The following MFSD1 variants were observed in gnomAD, a reference collection of about 807,000 sequenced individuals.
The protein encoded by MFSD1 is lysosomal dipeptide transporter MFSD1.
In MFSD1, 59 loss-of-function variants were observed where a neutral mutation model predicts 67.1. The ratio of observed to expected loss-of-function variants is 0.88; its 90% CI spans 0.71 to 1.09. MFSD1 has a LOEUF of 1.09. Among genes scored for constraint, MFSD1 ranks in the 50% least tolerant of loss-of-function variants. The pLI is 0.00. For missense variants in MFSD1, 552 were observed against 566.1 expected (o/e 0.97, Z 0.25); for synonymous variants, 213 against 200.3 (o/e 1.06, Z -0.54).
chr3:158,826,077 T>G lies in MFSD1; in HGVS notation c.1336+15T>G. The G allele has an allele frequency of 6.2e-7, 1 of 1,611,608 alleles. No individual in the cohort carries two copies. Among genetic ancestry groups the G allele is most frequent in the Non-Finnish European group, 8.5e-7 (1 of 1,177,884 alleles). On this transcript the variant is annotated intron_variant, in intron 14 of 15. Transcript: ENST00000415822. ...TCGTGCCCAGGGTAAGTAGAAGATCTGATATTTGCTTCTTAAACCGCAGTG... is the reference window on the plus strand; with the variant it reads ...TCGTGCCCAGGGTAAGTAGAAGATCGGATATTTGCTTCTTAAACCGCAGTG...
Position 158,819,660 on chromosome 3 carries a change from T to C in MFSD1, c.664T>C (p.Cys222Arg). The C allele has an allele frequency of 1.9e-6, 3 of 1,564,428 alleles. No homozygotes were observed. Among genetic ancestry groups the C allele is most frequent in the South Asian group, 1.1e-5 (1 of 88,124 alleles). ...TTTTTTTTATTTAGGGGGTATAACG[T>C]GTATTCTTTCACTAATCTGTGCCTT... ...GITLMIGGITCILSLICALAL... is the reference protein window; with the variant it reads ...GITLMIGGITRILSLICALAL... Residue 222 changes from cysteine (C) to arginine (R), a missense_variant, in exon 8 of 16, where the codon TGT becomes CGT. Transcript: ENST00000415822.
chr3:158,827,216 A>G lies in MFSD1; in HGVS notation c.1337-64A>G, dbSNP rs952280902. 3.1e-6 allele frequency: 3 copies of G among 974,462 alleles called. No homozygotes were observed. The African/African-American group carries it at 5.1e-5, about 17-fold the overall frequency. The allele number at this position is 974,462 out of a possible 1,614,324, so 60.4% of individuals were successfully genotyped here. A position where few individuals can be genotyped will look rare whatever the true frequency, so the allele number is the denominator to read the frequency against. The stretch of plus-strand genomic sequence containing the variant: ...TGCAAATGGTTGCATGTATGTATGT[A>G]TGGTTGAAATTTACTTACTGATAAT... On this transcript the variant is annotated intron_variant, in intron 14 of 15. Coordinates refer to ENST00000415822, the MANE Select transcript of MFSD1 (RefSeq NM_022736.4).
chr3:158,816,344 T>C (rs992723799), intron 7 of MFSD1, among the ~76,000 whole-genome samples: 8 of 152,190 alleles, frequency 5.3e-5, no homozygotes, highest in Non-Finnish European at 1.2e-4. Flanking sequence ...ATGATCGCCA[T>C]TGTAACTGGT....
At chr3:158,802,732 G>T in intron 1 of MFSD1, 1 of 367,320 alleles carries the variant, frequency 2.7e-6, no homozygotes, top group Non-Finnish European at 5.4e-6. Context: ...ACAGGGGCTT[G>T]CTCTGTCACC....
intron 7 of MFSD1, among the ~76,000 whole-genome samples, chr3:158,814,448 G>C (rs1406168032): frequency 6.6e-6 from 1 of 152,096 alleles, no homozygotes; most frequent in Non-Finnish European, 1.5e-5. Flanking sequence ...AGCCTCCCGA[G>C]TAGCTGGGAT....
chr3:158,827,848 GA>G (rs985969888), intron 15 of MFSD1, among the ~76,000 whole-genome samples: 25 of 147,150 alleles, frequency 1.7e-4, no homozygotes, highest in African/African-American at 4.0e-4. Flanking sequence ...TTGAAACGAA[GA>G]AAAAAAATAA....
chr3:158,805,063 A>C (rs532687887), intron 2 of MFSD1, among the ~76,000 whole-genome samples: 9 of 152,188 alleles, frequency 5.9e-5, no homozygotes, highest in Non-Finnish European at 1.2e-4. Context: ...AGTTATAGTC[A>C]GACAGAAGTG....
intron 11 of MFSD1, 110 bp from the exon 12 acceptor site, chr3:158,823,318 C>A: frequency 1.3e-6 from 1 of 765,188 alleles, no homozygotes; most frequent in Non-Finnish European, 2.3e-6. Context: ...ACAAAATTTG[C>A]TTGAATATAT....
chr3:158,804,644 C>T (rs1729630311), intron 2 of MFSD1, among the ~76,000 whole-genome samples: 1 of 152,108 alleles, frequency 6.6e-6, no homozygotes, highest in East Asian at 1.9e-4. Flanking sequence ...AAAATATGAG[C>T]AGGTTTTTGT....
rs1576901874 is a variant in MFSD1 at position 158,811,176 on chromosome 3, A to T, written c.549+1889A>T. Among the ~76,000 whole-genome samples the T allele has an allele frequency of 1.3e-5, 2 of 152,214 alleles. 1 individual carries two copies. The highest frequency in any genetic ancestry group is 4.1e-4 in the South Asian group (2 of 4,834). ...CGGAAAATATGTAGAGTGTGGGGGA[A>T]AAACAACGGAGGCGCTCAGGATGAC... On this transcript the variant is annotated intron_variant, in intron 6 of 15. Coordinates refer to ENST00000415822, the MANE Select transcript of MFSD1 (RefSeq NM_022736.4).
intron 6 of MFSD1, among the ~76,000 whole-genome samples, chr3:158,811,268 C>G (rs1279007915): frequency 1.3e-5 from 2 of 152,174 alleles, no homozygotes; most frequent in Non-Finnish European, 2.9e-5. Flanking sequence ...CCCACCATCC[C>G]CTAAACCAGC....
At chr3:158,805,859 G>A (rs1293575877) in intron 3 of MFSD1, among the ~76,000 whole-genome samples, 2 of 152,176 alleles carry the variant, frequency 1.3e-5, no homozygotes, top group African/African-American at 2.4e-5. Context: ...TACCTTGCAA[G>A]GTGGTTATGA....
intron 15 of MFSD1, 116 bp from the exon 16 acceptor site, chr3:158,828,863 T>G: frequency 1.1e-6 from 1 of 912,304 alleles, no homozygotes; most frequent in East Asian, 3.0e-5. Flanking sequence ...AAAAAAAATG[T>G]GTAGCTTAGT....
At chr3:158,827,600 G>C (rs887869268) in intron 15 of MFSD1, among the ~76,000 whole-genome samples, 1 of 151,872 alleles carries the variant, frequency 6.6e-6, no homozygotes, top group African/African-American at 2.4e-5. Context: ...ATTTTTAGTA[G>C]AGATGGGGTT....
Position 158,812,514 on chromosome 3 carries a change from T to G in MFSD1, c.550-1451T>G, listed in dbSNP as rs1181461922. On this transcript the variant is annotated intron_variant, in intron 6 of 15. Coordinates refer to ENST00000415822, the MANE Select transcript of MFSD1 (RefSeq NM_022736.4). ...CTAAGAAGCCCCTGAGATTCCCTTC[T>G]AGAAACTCAGGGCAACTTATATGCA... Among the ~76,000 whole-genome samples, 9 of 152,256 alleles carry G rather than the reference T, an allele frequency of 5.9e-5. No homozygotes were observed. The East Asian group carries it at 1.7e-3, about 29-fold the overall frequency.
chr3:158,822,027 C>T lies in MFSD1; in HGVS notation c.964C>T (p.Leu322Phe). 1 of 1,613,858 alleles carries T rather than the reference C, an allele frequency of 6.2e-7. No homozygotes were observed. The highest frequency in any genetic ancestry group is 8.5e-7 in the Non-Finnish European group (1 of 1,179,830). Residue 322 changes from leucine to phenylalanine, a missense_variant, in exon 11 of 16, where the codon CTC (leucine) becomes TTC (phenylalanine). Physicochemically the swap from Leu to Phe is conservative, Grantham distance 22. Transcript: ENST00000415822. ...AGCTCCCATGTCCCCGGTGTTTGGGCTCCTGGTGGATAAAACAGGGAAGAA... is the reference window on the plus strand; with the variant it reads ...AGCTCCCATGTCCCCGGTGTTTGGGTTCCTGGTGGATAAAACAGGGAAGAA... ...ISAPMSPVFG[L>F]LVDKTGKNII...
chr3:158,806,022 G>A (rs982535836), intron 3 of MFSD1, among the ~76,000 whole-genome samples: 2 of 152,114 alleles, frequency 1.3e-5, no homozygotes, highest in South Asian at 4.1e-4. Context: ...AACACTATAA[G>A]GTTTGCCACT....
At position 158,805,255 on chromosome 3, in the gene MFSD1, A is replaced by G. The variant is rs1056439328; in HGVS notation, c.217-107A>G. The G allele has an allele frequency of 9.8e-6, 9 of 914,200 alleles. No individual in the cohort carries two copies. In the African/African-American group the frequency reaches 9.9e-5, roughly 10 times the overall value. 56.6% of individuals were successfully genotyped at this position (914,200 alleles called of 1,614,324 possible). ...TGGTTAAAAAAAACTTGCCCTTTAC[A>G]GAAAGAAGAATGTAACTACTTTCCA... On this transcript the variant is annotated intron_variant, in intron 2 of 15. Transcript: ENST00000415822.
intron 10 of MFSD1, 101 bp from the exon 11 acceptor site, chr3:158,821,883 A>G (rs1021593622): frequency 1.6e-6 from 2 of 1,258,700 alleles, no homozygotes; most frequent in Non-Finnish European, 1.1e-6. Context: ...AGAATGTTAA[A>G]TGAGTTAGGA....
Sources: allele counts gnomAD v4.1 joint callset (sites outside exome capture counted in the v4.1 genomes callset), GRCh38; gene constraint gnomAD v4.1.1; transcripts MANE v1.5; gene names NCBI Gene and HGNC (gene_info 2026-07-23, HGNC 2026-07-21).